Variants in CSNK1G1 observed in about 807,000 individuals in gnomAD.
CSNK1G1 encodes the protein casein kinase I isoform gamma-1.
Under a neutral mutation model 59.6 loss-of-function variants are expected in CSNK1G1, and 22 were observed. The observed-to-expected ratio is 0.37, with a 90% confidence interval of 0.26 to 0.53. The LOEUF (loss-of-function observed/expected upper bound fraction) is 0.53. CSNK1G1 is among the 20% of genes least tolerant of loss of function. The pLI is 0.89. For missense variants in CSNK1G1, 384 were observed against 519.5 expected, an observed-to-expected ratio of 0.74 and a Z score of 2.54; for synonymous variants, 179 against 177.1, an observed-to-expected ratio of 1.01 and a Z score of -0.08.
chr15:64,241,923 T>TA (rs893319941), intron 4 of CSNK1G1, among the ~76,000 whole-genome samples: 23 of 149,148 alleles, frequency 1.5e-4, no homozygotes, highest in Admixed American at 1.0e-3. Context: ...GTTGTTTTTT[T>TA]AAAAAAAAAG....
rs60011406 is a variant in CSNK1G1, at chr15:64,198,239, G to C, written c.1107+4843C>G. Among the ~76,000 whole-genome samples the C allele has an allele frequency of 7.5e-4, 101 of 134,178 alleles. 4 individuals are homozygous for C. In the East Asian group the frequency reaches 0.014, roughly 18 times the overall value. 88.0% of individuals were successfully genotyped at this position (134,178 alleles called of 152,430 possible). ...TTTGAAACAAAGTCTCTGCTGCCCCGGCTGGAGTGCAGTGGCACAGTCTCA... is the reference window on the plus strand; with the variant it reads ...TTTGAAACAAAGTCTCTGCTGCCCCCGCTGGAGTGCAGTGGCACAGTCTCA... On this transcript the variant is annotated intron_variant, in intron 10 of 11. Coordinates refer to ENST00000303052, the MANE Select transcript of CSNK1G1 (RefSeq NM_022048.5).
At chr15:64,189,720 T>C (rs1283350791) in intron 10 of CSNK1G1, among the ~76,000 whole-genome samples, 1 of 152,098 alleles carries the variant, frequency 6.6e-6, no homozygotes, top group Non-Finnish European at 1.5e-5. Context: ...CATATTTCAG[T>C]ATCTCATTGA....
rs769102862 is a variant in CSNK1G1 at position 64,203,057 on chromosome 15, G to A, written c.1107+25C>T. 1.9e-6 allele frequency: 3 copies of A among 1,549,852 alleles called. No homozygotes were observed. In the African/African-American group the frequency reaches 4.1e-5, roughly 21 times the overall value. On this transcript the variant is annotated intron_variant, in intron 10 of 11. Coordinates refer to ENST00000303052, the MANE Select transcript of CSNK1G1 (RefSeq NM_022048.5). ...TTAGCCAAGAAGAAGGGTAGTGTCT[G>A]AAAGAATGGAGGATCAACACATACC...
chr15:64,263,351 A>G (rs1892800650), intron 2 of CSNK1G1, among the ~76,000 whole-genome samples: 1 of 151,626 alleles, frequency 6.6e-6, no homozygotes. Context: ...AACATGACCA[A>G]CTAGTTTTTG....
chr15:64,274,743 C>T (rs549618935), intron 2 of CSNK1G1, among the ~76,000 whole-genome samples: 2 of 152,252 alleles, frequency 1.3e-5, no homozygotes, highest in African/African-American at 4.8e-5. Context: ...CAACATTCAC[C>T]GTAAGCTTCA....
intron 1 of CSNK1G1, among the ~76,000 whole-genome samples, chr15:64,344,871 T>C (rs1220041046): frequency 6.6e-6 from 1 of 152,196 alleles, no homozygotes; most frequent in Non-Finnish European, 1.5e-5. Context: ...TTTCATAATC[T>C]ATGAAACTCA....
At chr15:64,348,279 A>G (rs1351821691) in intron 1 of CSNK1G1, 1 of 152,220 alleles carries the variant, frequency 6.6e-6, no homozygotes, top group Non-Finnish European at 1.5e-5. Context: ...CACAGAATGT[A>G]CAATGCAGAG....
intron 1 of CSNK1G1, among the ~76,000 whole-genome samples, chr15:64,353,783 T>C (rs1347596640): frequency 2.0e-5 from 3 of 151,782 alleles, no homozygotes; most frequent in Middle Eastern, 3.2e-3. Flanking sequence ...GTGAGTATAA[T>C]TGCCCCAGTG....
intron 4 of CSNK1G1, among the ~76,000 whole-genome samples, chr15:64,229,240 C>G (rs144128746): frequency 6.6e-6 from 1 of 152,130 alleles, no homozygotes; most frequent in South Asian, 2.1e-4. Flanking sequence ...ACACCTATTG[C>G]TTTTGCCTGG....
chr15:64,349,706 A>C (rs902210046), intron 1 of CSNK1G1, among the ~76,000 whole-genome samples: 8 of 152,158 alleles, frequency 5.3e-5, no homozygotes, highest in Admixed American at 2.0e-4. Flanking sequence ...TGGTCCGCTA[A>C]GTTAAGGTTA....
chr15:64,335,610 TTGA>T (rs1420212130), intron 1 of CSNK1G1, among the ~76,000 whole-genome samples: 1 of 152,226 alleles, frequency 6.6e-6, no homozygotes, highest in Non-Finnish European at 1.5e-5. Context: ...TACTTTGTGA[TTGA>T]TGATTTGAAT....
At chr15:64,265,601 T>C (rs116312798) in intron 2 of CSNK1G1, among the ~76,000 whole-genome samples, 1,881 of 152,012 alleles carry the variant, frequency 0.012, 28 homozygotes, top group African/African-American at 0.044. Flanking sequence ...GTCTTGGGTA[T>C]GTCTTTATTA....
chr15:64,330,803 A>C (rs1373837669), intron 1 of CSNK1G1, among the ~76,000 whole-genome samples: 1 of 31,934 alleles, frequency 3.1e-5, no homozygotes. Context: ...AAATCTCCTT[A>C]AGCTGATAAG....
intron 7 of CSNK1G1, 23 bp from the exon 8 acceptor site, chr15:64,204,972 G>A (rs1252857347): frequency 1.4e-6 from 2 of 1,435,936 alleles, no homozygotes; most frequent in East Asian, 2.3e-5. Context: ...AAGAGAGAAA[G>A]TTACTTTAAA....
chr15:64,197,772 T>C (rs1053705765), intron 10 of CSNK1G1, among the ~76,000 whole-genome samples: 28 of 152,170 alleles, frequency 1.8e-4, no homozygotes, highest in African/African-American at 6.5e-4. Context: ...TAAAAATCTT[T>C]AGTCCCTATT....
chr15:64,338,947 G>A (rs1261813292), intron 1 of CSNK1G1, among the ~76,000 whole-genome samples: 1 of 151,812 alleles, frequency 6.6e-6, no homozygotes, highest in South Asian at 2.1e-4. Flanking sequence ...GACCCAGGAG[G>A]TGGAGATAGC....
rs952655758 is a variant in CSNK1G1 at position 64,167,028 on chromosome 15, C to T, written c.*4903G>A. 7 of 152,108 alleles carry T rather than the reference C, an allele frequency of 4.6e-5. No homozygotes were observed. The highest frequency in any genetic ancestry group is 1.4e-4 in the African/African-American group (6 of 41,430). 9.4% of individuals were successfully genotyped at this position (152,108 alleles called of 1,614,324 possible). A position where few individuals can be genotyped will look rare whatever the true frequency, so the allele number is the denominator to read the frequency against. On this transcript the variant is annotated 3_prime_UTR_variant, in exon 12 of 12. Coordinates refer to ENST00000303052, the MANE Select transcript of CSNK1G1 (RefSeq NM_022048.5). ...CCCTTGAAAGGTGATTTACAAATAC[C>T]GGAAGTGGGTTTTCTGGTTGTGTTT...
At chr15:64,349,782 G>C (rs1275200088) in intron 1 of CSNK1G1, among the ~76,000 whole-genome samples, 3 of 151,858 alleles carry the variant, frequency 2.0e-5, no homozygotes, top group Admixed American at 2.0e-4. Flanking sequence ...AATTTATTAA[G>C]ATCCAAAATG....
intron 4 of CSNK1G1, among the ~76,000 whole-genome samples, chr15:64,243,340 A>AAAAAC (rs535451164): frequency 6.6e-6 from 1 of 152,054 alleles, no homozygotes; most frequent in Admixed American, 6.6e-5. Context: ...CATCTCAAAG[A>AAAAAC]AAAACAAAAC....
Sources: gnomAD v4.1 joint callset for allele counts (sites outside exome capture counted in the v4.1 genomes callset) on GRCh38, gnomAD v4.1.1 for gene constraint, MANE v1.5 for transcripts, NCBI Gene and HGNC (gene_info 2026-07-23, HGNC 2026-07-21) for gene names.